PCCA: variants seen among roughly 807,000 people sequenced by gnomAD.
PCCA encodes the protein propionyl-CoA carboxylase alpha chain, mitochondrial.
PCCA carries 74 observed loss-of-function variants against 101.3 expected under a neutral mutation model. The observed-to-expected ratio is 0.73, with a 90% CI of 0.61 to 0.89. The LOEUF is 0.89. PCCA is among the 40% of genes least tolerant of loss of function. The probability of loss-of-function intolerance (pLI) is 0.00; values close to 1 mark genes in which losing one functional copy is unlikely to be tolerated. For synonymous variants in PCCA, 294 were observed against 313.6 expected (o/e 0.94, Z 0.66); for missense variants, 891 against 907.0 (o/e 0.98, Z 0.23).
At chr13:100,165,763 A>G (rs926365661) in intron 6 of PCCA, among the ~76,000 whole-genome samples, 3 of 152,136 alleles carry the variant, frequency 2.0e-5, no homozygotes, top group Non-Finnish European at 4.4e-5. Context: ...CAGGTGTGGT[A>G]TCTTACACCT....
At chr13:100,362,256 G>A (rs1181814861) in intron 18 of PCCA, among the ~76,000 whole-genome samples, 1 of 151,978 alleles carries the variant, frequency 6.6e-6, no homozygotes, top group Non-Finnish European at 1.5e-5. Flanking sequence ...TTAAGATCTT[G>A]GAATTTGACT....
chr13:100,154,563 C>T (rs1404665859), intron 4 of PCCA: 1 of 281,692 alleles, frequency 3.5e-6, no homozygotes, highest in Non-Finnish European at 6.8e-6. Context: ...CATTCAGTCC[C>T]TCTAATTATC....
At chr13:100,513,136 C>T (rs1420420917) in intron 21 of PCCA, among the ~76,000 whole-genome samples, 2 of 152,258 alleles carry the variant, frequency 1.3e-5, no homozygotes, top group African/African-American at 4.8e-5. Context: ...CACAGGCCAG[C>T]TGAGAGGCTG....
At chr13:100,397,325 C>G (rs1197799443) in intron 19 of PCCA, among the ~76,000 whole-genome samples, 2 of 152,058 alleles carry the variant, frequency 1.3e-5, no homozygotes, top group African/African-American at 4.8e-5. Flanking sequence ...TCAGATTTGT[C>G]ATCTATAAAA....
rs2066057151 is a variant in PCCA, at chr13:100,301,534, C to T, written c.1140C>T (p.Tyr380=). 6.2e-7 allele frequency: 1 copy of T among 1,613,924 alleles called. No individual in the cohort carries two copies. Among genetic ancestry groups the T allele is most frequent in the African/African-American group, 1.3e-5 (1 of 74,906 alleles). ...VQEMIRVAKG[Y]PLRHKQADIR... ...AAATGATCCGTGTTGCTAAGGGCTA[C>T]CCTCTCAGGCACAAACAAGCTGATA... Residue 380 remains tyrosine, a synonymous_variant, in exon 13 of 24, where the codon TAC becomes TAT. Transcript: ENST00000376285.
intron 19 of PCCA, among the ~76,000 whole-genome samples, chr13:100,373,078 A>G (rs1258860105): frequency 6.6e-6 from 1 of 152,160 alleles, no homozygotes; most frequent in Non-Finnish European, 1.5e-5. Flanking sequence ...GAATATATAA[A>G]GAAATTTTTC....
At chr13:100,321,591 C>G (rs1287453602) in intron 16 of PCCA, among the ~76,000 whole-genome samples, 8 of 131,912 alleles carry the variant, frequency 6.1e-5, no homozygotes, top group African/African-American at 1.4e-4. Context: ...TATAGAAGAT[C>G]TGTGTGTGTG....
intron 20 of PCCA, among the ~76,000 whole-genome samples, chr13:100,437,655 T>A (rs1025489222): frequency 1.3e-5 from 2 of 152,166 alleles, no homozygotes; most frequent in Non-Finnish European, 2.9e-5. Context: ...AAAATTTCTT[T>A]GTTTTAATTA....
chr13:100,099,132 A>T (rs888920160), intron 1 of PCCA, among the ~76,000 whole-genome samples: 5 of 152,118 alleles, frequency 3.3e-5, no homozygotes, highest in African/African-American at 1.2e-4. Context: ...TAATGAATTT[A>T]TCTCATAATG....
chr13:100,165,876 C>T (rs11842030), intron 6 of PCCA, among the ~76,000 whole-genome samples: 198 of 151,688 alleles, frequency 1.3e-3, no homozygotes, highest in African/African-American at 4.6e-3. Context: ...AGAGCAAGAC[C>T]CTGTCTCAAA....
At chr13:100,491,220 A>G (rs1199056953) in intron 21 of PCCA, 2 of 156,426 alleles carry the variant, frequency 1.3e-5, no homozygotes, top group Non-Finnish European at 2.8e-5. Context: ...AAGGAAGGAA[A>G]TGTATGTTAT....
intron 22 of PCCA, among the ~76,000 whole-genome samples, chr13:100,516,168 A>G (rs528916880): frequency 6.6e-6 from 1 of 152,240 alleles, no homozygotes; most frequent in Non-Finnish European, 1.5e-5. Flanking sequence ...ACATTTTCTT[A>G]GAACATGGAT....
intron 12 of PCCA, among the ~76,000 whole-genome samples, chr13:100,286,284 G>T (rs1422032727): frequency 6.6e-6 from 1 of 152,160 alleles, no homozygotes; most frequent in Non-Finnish European, 1.5e-5. Context: ...TGGAGCAATG[G>T]TGAGCACACA....
intron 21 of PCCA, among the ~76,000 whole-genome samples, chr13:100,500,355 A>G (rs1218418258): frequency 6.6e-6 from 1 of 152,186 alleles, no homozygotes; most frequent in Non-Finnish European, 1.5e-5. Flanking sequence ...ATATATTTAT[A>G]TATGTTTTAA....
chr13:100,111,020 T>G (rs1442360616), intron 2 of PCCA, among the ~76,000 whole-genome samples: 2 of 151,312 alleles, frequency 1.3e-5, no homozygotes, highest in Admixed American at 1.3e-4. Context: ...AATTATTTAT[T>G]TATTTATTTA....
At chr13:100,130,266 G>T (rs185763521) in intron 4 of PCCA, among the ~76,000 whole-genome samples, 35 of 152,318 alleles carry the variant, frequency 2.3e-4, no homozygotes, top group African/African-American at 7.7e-4. Context: ...TTCCTTTGCT[G>T]CTTGTTCCTG....
intron 20 of PCCA, among the ~76,000 whole-genome samples, chr13:100,445,561 T>C (rs2080767301): frequency 6.6e-6 from 1 of 152,146 alleles, no homozygotes. Context: ...ATTTTGTGGG[T>C]TTTGATTAAT....
chr13:100,435,998 G>C (rs1241252945), intron 20 of PCCA, among the ~76,000 whole-genome samples: 5 of 151,644 alleles, frequency 3.3e-5, no homozygotes, highest in African/African-American at 1.2e-4. Context: ...AGCTGAGATC[G>C]AGCCATTGCA....
At chr13:100,155,156 T>A in intron 5 of PCCA, 64 bp downstream of exon 5, 1 of 1,080,692 alleles carries the variant, frequency 9.3e-7, no homozygotes, top group Middle Eastern at 2.0e-4. Context: ...AGCTAGAGTT[T>A]GTATTTAAAA....
Sources: gnomAD v4.1 joint callset for allele counts (sites outside exome capture counted in the v4.1 genomes callset) on GRCh38, gnomAD v4.1.1 for gene constraint, MANE v1.5 for transcripts, NCBI Gene and HGNC (gene_info 2026-07-23, HGNC 2026-07-21) for gene names.